Variants in DOCK4 observed in about 807,000 individuals in gnomAD.
DOCK4 encodes the protein dedicator of cytokinesis 4.
DOCK4 carries 97 observed loss-of-function variants against 268.1 expected under a neutral mutation model. The observed-to-expected ratio is 0.36, with a 90% confidence interval of 0.31 to 0.43. The LOEUF is 0.43. DOCK4 is among the 20% of genes least tolerant of loss of function. The pLI is 1.00. For synonymous variants in DOCK4, 954 were observed against 887.2 expected (o/e 1.08, Z -1.34); for missense variants, 2,145 against 2,455.7 (o/e 0.87, Z 2.67).
At chr7:111,826,090 T>C (rs1802366216) in intron 26 of DOCK4, among the ~76,000 whole-genome samples, 1 of 152,146 alleles carries the variant, frequency 6.6e-6, no homozygotes, top group Non-Finnish European at 1.5e-5. Flanking sequence ...TTTGCTTTCG[T>C]GGAGTTCACA....
At chr7:111,746,311 G>C (rs772457870) in intron 44 of DOCK4, 23 bp downstream of exon 44, 9 of 1,600,112 alleles carry the variant, frequency 5.6e-6, no homozygotes, top group Non-Finnish European at 6.8e-6. Flanking sequence ...AAATAGAAGG[G>C]GGTTGGCTTC....
intron 1 of DOCK4, among the ~76,000 whole-genome samples, chr7:112,109,776 G>T (rs26846): frequency 7.9e-6 from 1 of 127,064 alleles, no homozygotes. Context: ...ACGGAGTCTC[G>T]CTCTGTCGCC....
chr7:111,928,447 A>G (rs1358182115), intron 12 of DOCK4, among the ~76,000 whole-genome samples: 1 of 152,116 alleles, frequency 6.6e-6, no homozygotes, highest in African/African-American at 2.4e-5. Flanking sequence ...ATACTGCATG[A>G]ACTTTAAAAA....
chr7:111,885,004 G>C (rs1198344041), intron 16 of DOCK4, among the ~76,000 whole-genome samples: 1 of 152,192 alleles, frequency 6.6e-6, no homozygotes, highest in African/African-American at 2.4e-5. Flanking sequence ...CTGTGAGTGA[G>C]ATTTTGAACT....
At chr7:112,154,075 G>A (rs989642259) in intron 1 of DOCK4, among the ~76,000 whole-genome samples, 18 of 151,992 alleles carry the variant, frequency 1.2e-4, no homozygotes, top group African/African-American at 3.9e-4. Flanking sequence ...AGACTCAAGC[G>A]ATCCTCCCAC....
chr7:111,900,334 G>C, intron 15 of DOCK4, 40 bp downstream of exon 15: 2 of 1,599,896 alleles, frequency 1.3e-6, no homozygotes, highest in South Asian at 2.3e-5. Context: ...GGATACTCCA[G>C]CACAATAGAC....
At chr7:112,196,259 G>GT (rs1361075846) in intron 1 of DOCK4, among the ~76,000 whole-genome samples, 2 of 152,128 alleles carry the variant, frequency 1.3e-5, no homozygotes, top group Non-Finnish European at 2.9e-5. Context: ...GTTCCCAGTT[G>GT]TAAGTTATTA....
At chr7:111,914,484 G>A (rs755612297) in intron 13 of DOCK4, among the ~76,000 whole-genome samples, 3 of 152,150 alleles carry the variant, frequency 2.0e-5, no homozygotes, top group Non-Finnish European at 4.4e-5. Flanking sequence ...TTCCCTCTTC[G>A]AATCTCCATT....
At chr7:112,192,040 T>C (rs918290968) in intron 1 of DOCK4, among the ~76,000 whole-genome samples, 1 of 148,400 alleles carries the variant, frequency 6.7e-6, no homozygotes, top group African/African-American at 2.5e-5. Context: ...AATTTAAATA[T>C]AGTATATATA....
At chr7:111,863,604 G>T (rs59559298) in intron 22 of DOCK4, 40 bp from the exon 23 acceptor site, 2 of 1,528,064 alleles carry the variant, frequency 1.3e-6, no homozygotes. Context: ...TCCCAGATAC[G>T]CCATGAGAAA....
At chr7:111,998,256 A>C (rs545760753) in intron 4 of DOCK4, among the ~76,000 whole-genome samples, 192 bp downstream of exon 4, 28 of 152,312 alleles carry the variant, frequency 1.8e-4, no homozygotes, top group African/African-American at 6.7e-4. Flanking sequence ...CCTCTTGTCC[A>C]GCACACACAG....
chr7:111,800,677 T>C (rs982746257), intron 30 of DOCK4, among the ~76,000 whole-genome samples: 1 of 152,116 alleles, frequency 6.6e-6, no homozygotes, highest in Non-Finnish European at 1.5e-5. Flanking sequence ...AAAATTTATC[T>C]TTTTTCGCCT....
chr7:111,786,638 T>C (rs973093688), intron 32 of DOCK4, among the ~76,000 whole-genome samples: 1 of 152,192 alleles, frequency 6.6e-6, no homozygotes, highest in African/African-American at 2.4e-5. Context: ...AGCAGTGAAC[T>C]ACTTACAGCT....
chr7:112,011,645 C>T (rs1801321202), intron 1 of DOCK4, among the ~76,000 whole-genome samples: 1 of 149,696 alleles, frequency 6.7e-6, no homozygotes, highest in African/African-American at 2.5e-5. Context: ...TAAATGAACC[C>T]GTTTTATTCT....
At chr7:111,926,761 G>C (rs1793732498) in intron 12 of DOCK4, among the ~76,000 whole-genome samples, 1 of 151,486 alleles carries the variant, frequency 6.6e-6, no homozygotes, top group African/African-American at 2.4e-5. Context: ...TTGAACCCGG[G>C]AGGCAGAGGT....
At chr7:112,035,265 C>G (rs965479128) in intron 1 of DOCK4, among the ~76,000 whole-genome samples, 1 of 151,964 alleles carries the variant, frequency 6.6e-6, no homozygotes, top group Non-Finnish European at 1.5e-5. Context: ...GGAGAGTGGC[C>G]TCCACTATGT....
At chr7:112,132,643 G>T (rs1813916290) in intron 1 of DOCK4, among the ~76,000 whole-genome samples, 1 of 152,036 alleles carries the variant, frequency 6.6e-6, no homozygotes. Context: ...GGGGAGGTGG[G>T]GAAAGGCCTT....
intron 44 of DOCK4, among the ~76,000 whole-genome samples, chr7:111,745,922 C>T (rs1218685560): frequency 6.6e-6 from 1 of 152,000 alleles, no homozygotes; most frequent in Non-Finnish European, 1.5e-5. Context: ...GCAGTCGAAA[C>T]TTCATGCACA....
At chr7:112,098,266 C>T (rs980110977) in intron 1 of DOCK4, among the ~76,000 whole-genome samples, 6 of 152,154 alleles carry the variant, frequency 3.9e-5, no homozygotes, top group African/African-American at 1.4e-4. Flanking sequence ...GCAACCTCCG[C>T]CTCCTGAGTT....
Sources: allele counts gnomAD v4.1 joint callset (sites outside exome capture counted in the v4.1 genomes callset), GRCh38; gene constraint gnomAD v4.1.1; transcripts MANE v1.5; gene names NCBI Gene and HGNC (gene_info 2026-07-23, HGNC 2026-07-21).